Variants in NETO2 observed in about 807,000 individuals in gnomAD.
The protein encoded by NETO2 is neuropilin and tolloid like 2, also known as neuropilin and tolloid-like protein 2.
NETO2 carries 28 observed loss-of-function variants against 62.5 expected under a neutral mutation model. The ratio of observed to expected loss-of-function variants is 0.45; its 90% CI spans 0.33 to 0.61. The LOEUF is 0.61. Among genes scored for constraint, NETO2 ranks in the 20% least tolerant of loss-of-function variants. The probability of loss-of-function intolerance (pLI) is 0.02; values close to 1 mark genes in which losing one functional copy is unlikely to be tolerated. For missense variants in NETO2, 548 were observed against 643.2 expected (o/e 0.85, Z 1.60); for synonymous variants, 214 against 219.1 (o/e 0.98, Z 0.21).
intron 1 of NETO2, among the ~76,000 whole-genome samples, chr16:47,138,512 T>A (rs888512779): frequency 1.3e-5 from 2 of 152,248 alleles, no homozygotes; most frequent in African/African-American, 4.8e-5. Flanking sequence ...TCTACTTATA[T>A]CTAACTGGCT....
intron 6 of NETO2, among the ~76,000 whole-genome samples, chr16:47,119,539 T>C (rs1963995875): frequency 6.6e-6 from 1 of 152,154 alleles, no homozygotes; most frequent in African/African-American, 2.4e-5. Context: ...GCCTCACTGA[T>C]TTATTCTTTT....
chr16:47,085,709 A>G (rs1963174118), intron 8 of NETO2, among the ~76,000 whole-genome samples: 2 of 152,126 alleles, frequency 1.3e-5, no homozygotes, highest in African/African-American at 2.4e-5. Context: ...ACAACTTAAC[A>G]GTTTGTAGAC....
At chr16:47,129,995 T>TG (rs1288546535) in intron 2 of NETO2, among the ~76,000 whole-genome samples, 1 of 152,172 alleles carries the variant, frequency 6.6e-6, no homozygotes, top group African/African-American at 2.4e-5. Context: ...TAGAATGAGT[T>TG]GGATTTTCAG....
intron 6 of NETO2, among the ~76,000 whole-genome samples, chr16:47,113,790 A>G (rs1963852682): frequency 6.6e-6 from 1 of 151,740 alleles, no homozygotes; most frequent in Admixed American, 6.6e-5. Flanking sequence ...ACAGGGTTTC[A>G]CCATGTTGGT....
intron 7 of NETO2, among the ~76,000 whole-genome samples, chr16:47,099,163 A>G (rs1053718201): frequency 6.6e-6 from 1 of 152,148 alleles, no homozygotes; most frequent in African/African-American, 2.4e-5. Flanking sequence ...CCCAGCCTCA[A>G]CATTCTTAAA....
Position 47,109,672 on chromosome 16 carries a change from T to G in NETO2, c.694A>C (p.Asn232His). 2 of 1,613,876 alleles carry G rather than the reference T, an allele frequency of 1.2e-6. No homozygotes were observed. Among genetic ancestry groups the G allele is most frequent in the Non-Finnish European group, 8.5e-7 (1 of 1,179,732 alleles). The change falls in exon 7 of 9, where the codon AAT becomes CAT. Residue 232 changes from asparagine to histidine, a missense_variant. Transcript: ENST00000562435. Reference sequence around the variant, plus strand: ...GCAACGAAGTTTCTCTTGCATTCATTTGAGTGCTCCATTTGATAATCTAGG... The same window carrying G: ...GCAACGAAGTTTCTCTTGCATTCATGTGAGTGCTCCATTTGATAATCTAGG... ...RFLDYQMEHS[N>H]ECKRNFVAVY...
At chr16:47,101,886 C>T (rs1303052270) in intron 7 of NETO2, among the ~76,000 whole-genome samples, 1 of 152,120 alleles carries the variant, frequency 6.6e-6, no homozygotes, top group East Asian at 1.9e-4. Context: ...CAATGCTATC[C>T]CCATCAAGCT....
chr16:47,139,212 C>G (rs1964418225), intron 1 of NETO2, among the ~76,000 whole-genome samples: 1 of 152,196 alleles, frequency 6.6e-6, no homozygotes, highest in Non-Finnish European at 1.5e-5. Flanking sequence ...CTGAGCGCGA[C>G]TCCAGTGCAT....
chr16:47,122,957 C>G (rs1211816671), intron 4 of NETO2, 45 bp from the exon 5 acceptor site: 1 of 1,559,136 alleles, frequency 6.4e-7, no homozygotes, highest in Non-Finnish European at 8.8e-7. Context: ...GAGATAGTTA[C>G]TTTAATCCTC....
At chr16:47,115,714 CATATATATATATATATACAT>C (rs1963901380) in intron 6 of NETO2, among the ~76,000 whole-genome samples, 1 of 128,504 alleles carries the variant, frequency 7.8e-6, no homozygotes, top group African/African-American at 3.5e-5. Context: ...TATATATATA[CATATATATATATATATACAT>C]GTATATATAT....
At chr16:47,133,340 C>T (rs1276830925) in intron 1 of NETO2, among the ~76,000 whole-genome samples, 3 of 151,044 alleles carry the variant, frequency 2.0e-5, no homozygotes, top group African/African-American at 7.3e-5. Flanking sequence ...CCTTGGGAGG[C>T]TGAGGCGAGA....
chr16:47,085,304 A>ATT (rs1963161806), intron 8 of NETO2, among the ~76,000 whole-genome samples: 1 of 152,250 alleles, frequency 6.6e-6, no homozygotes, highest in East Asian at 1.9e-4. Context: ...TTGACAATTA[A>ATT]ATAAGGTATG....
intron 4 of NETO2, among the ~76,000 whole-genome samples, chr16:47,123,753 A>C (rs1010657086): frequency 6.6e-6 from 1 of 152,242 alleles, no homozygotes; most frequent in Admixed American, 6.5e-5. Flanking sequence ...GCAGGAGTAC[A>C]GTGGCACAAT....
At chr16:47,139,217 G>C (rs1964418321) in intron 1 of NETO2, among the ~76,000 whole-genome samples, 1 of 152,168 alleles carries the variant, frequency 6.6e-6, no homozygotes, top group African/African-American at 2.4e-5. Context: ...CGCGACTCCA[G>C]TGCATCTTCT....
chr16:47,127,175 C>T (rs1016741693), intron 4 of NETO2, among the ~76,000 whole-genome samples: 12 of 152,148 alleles, frequency 7.9e-5, no homozygotes, highest in African/African-American at 2.4e-4. Context: ...AAAGATCATG[C>T]AGTTGTCTTA....
chr16:47,120,148 T>C (rs909763814), intron 6 of NETO2, among the ~76,000 whole-genome samples: 1 of 152,252 alleles, frequency 6.6e-6, no homozygotes, highest in African/African-American at 2.4e-5. Context: ...TAAGGCTATA[T>C]TAATACCTGA....
chr16:47,135,414 T>C (rs1158051683), intron 1 of NETO2, among the ~76,000 whole-genome samples: 1 of 152,226 alleles, frequency 6.6e-6, no homozygotes, highest in Non-Finnish European at 1.5e-5. Flanking sequence ...GGCAGAAATC[T>C]ACACAAAAAT....
intron 1 of NETO2, among the ~76,000 whole-genome samples, chr16:47,137,819 A>C (rs1426845887): frequency 6.6e-6 from 1 of 152,192 alleles, no homozygotes; most frequent in Non-Finnish European, 1.5e-5. Flanking sequence ...GGCATGAGTA[A>C]CAGAAATACC....
At chr16:47,101,726 G>A (rs1264606603) in intron 7 of NETO2, among the ~76,000 whole-genome samples, 1 of 152,110 alleles carries the variant, frequency 6.6e-6, no homozygotes, top group African/African-American at 2.4e-5. Flanking sequence ...TACTTACAAG[G>A]GATGTGAAGG....
Sources: gnomAD v4.1 joint callset for allele counts (sites outside exome capture counted in the v4.1 genomes callset) on GRCh38, gnomAD v4.1.1 for gene constraint, MANE v1.5 for transcripts, NCBI Gene and HGNC (gene_info 2026-07-23, HGNC 2026-07-21) for gene names.